DPF3: variants seen among roughly 807,000 people sequenced by gnomAD.
The protein encoded by DPF3 is zinc finger protein DPF3.
DPF3 carries 18 observed loss-of-function variants against 56.8 expected under a neutral mutation model. The ratio of observed to expected loss-of-function variants is 0.32; its 90% CI spans 0.22 to 0.47. The LOEUF is 0.47. DPF3 is among the 20% of genes least tolerant of loss of function. The probability of loss-of-function intolerance (pLI) is 1.00; values close to 1 mark genes in which losing one functional copy is unlikely to be tolerated. For missense variants in DPF3, 403 were observed against 488.8 expected, an observed-to-expected ratio of 0.82 and a Z score of 1.65; for synonymous variants, 188 against 180.2, an observed-to-expected ratio of 1.04 and a Z score of -0.35.
At chr14:72,705,796 C>A (rs1888380288) in intron 6 of DPF3, among the ~76,000 whole-genome samples, 2 of 152,230 alleles carry the variant, frequency 1.3e-5, no homozygotes, top group South Asian at 4.1e-4. Context: ...GGCTCACAGT[C>A]CAGCCTGAGG....
chr14:72,725,535 C>G (rs999501729), intron 4 of DPF3, among the ~76,000 whole-genome samples: 3 of 151,928 alleles, frequency 2.0e-5, no homozygotes. Flanking sequence ...GCCAGTGTGA[C>G]CAGTGCTTAG....
chr14:72,744,369 C>G (rs1242642752), intron 3 of DPF3, among the ~76,000 whole-genome samples: 2 of 152,068 alleles, frequency 1.3e-5, no homozygotes, highest in Non-Finnish European at 2.9e-5. Flanking sequence ...ACCTCGCGGA[C>G]TTCATTGATC....
chr14:72,697,119 C>A (rs1887939168), intron 6 of DPF3, among the ~76,000 whole-genome samples: 1 of 152,206 alleles, frequency 6.6e-6, no homozygotes, highest in Non-Finnish European at 1.5e-5. Flanking sequence ...AGAAGCCAGA[C>A]TTCTTCATGA....
At chr14:72,762,390 A>C (rs1891104376) in intron 2 of DPF3, among the ~76,000 whole-genome samples, 1 of 151,936 alleles carries the variant, frequency 6.6e-6, no homozygotes, top group African/African-American at 2.4e-5. Context: ...ACATTCAGAA[A>C]TCAATCAATG....
intron 1 of DPF3, among the ~76,000 whole-genome samples, chr14:72,868,500 C>G (rs1437455397): frequency 6.6e-6 from 1 of 152,214 alleles, no homozygotes; most frequent in Non-Finnish European, 1.5e-5. Flanking sequence ...GGCCTCACCC[C>G]TAGGGATTTT....
intron 8 of DPF3, among the ~76,000 whole-genome samples, chr14:72,668,680 TAA>T (rs60914269): frequency 6.8e-6 from 1 of 147,060 alleles, no homozygotes; most frequent in African/African-American, 2.5e-5. Flanking sequence ...ATATGTGGAT[TAA>T]AAAAAAAAAC....
At position 72,613,025 on chromosome 14, in the gene DPF3, TG is replaced by T. The variant is rs1359838571; in HGVS notation, c.*6271del. Among the ~76,000 whole-genome samples the T allele has an allele frequency of 6.6e-6, 1 of 151,722 alleles. No homozygotes were observed. Among genetic ancestry groups the T allele is most frequent in the Non-Finnish European group, 1.5e-5 (1 of 67,974 alleles). ...GTGTGTGTGTGTGTGTGTGTGTGTG[TG>T]TGTGTATGTGCGTGCGTGCACGCAC... is the stretch of plus-strand genomic sequence containing the variant. On this transcript the variant is annotated 3_prime_UTR_variant, in exon 11 of 11. Coordinates refer to ENST00000556509, the MANE Select transcript of DPF3 (RefSeq NM_001280542.3).
At chr14:72,737,744 T>G (rs1234726018) in intron 3 of DPF3, among the ~76,000 whole-genome samples, 2 of 152,146 alleles carry the variant, frequency 1.3e-5, no homozygotes, top group Non-Finnish European at 2.9e-5. Flanking sequence ...CAAGGGAAAT[T>G]GTGGTGAAAC....
At chr14:72,696,715 A>G (rs556746711) in intron 6 of DPF3, among the ~76,000 whole-genome samples, 118 of 152,354 alleles carry the variant, frequency 7.7e-4, no homozygotes, top group African/African-American at 2.8e-3. Flanking sequence ...AACATGGTAG[A>G]AAGTAATAAT....
rs149926763 is a variant in DPF3 at position 72,750,980 on chromosome 14, C to T, written c.301+2284G>A. 2.8e-4 allele frequency among the ~76,000 whole-genome samples: 43 copies of T among 152,090 alleles called. No homozygotes were observed. In the East Asian group the frequency reaches 7.9e-3, roughly 28 times the overall value. ...CCGAGGCAGGAGGATTATCTGAAGC[C>T]AGGAGTTTAAGACTAGCCTGGGTAG... On this transcript the variant is annotated intron_variant, in intron 3 of 10. Coordinates refer to ENST00000556509, the MANE Select transcript of DPF3 (RefSeq NM_001280542.3).
chr14:72,827,042 CAAAAA>C (rs59956156), intron 1 of DPF3, among the ~76,000 whole-genome samples: 4 of 137,856 alleles, frequency 2.9e-5, no homozygotes, highest in African/African-American at 5.4e-5. Context: ...AACTCCATCT[CAAAAA>C]AAAAAAAAAA....
chr14:72,729,462 A>C (rs560966566), intron 4 of DPF3, among the ~76,000 whole-genome samples: 8 of 152,202 alleles, frequency 5.3e-5, no homozygotes, highest in South Asian at 2.1e-4. Flanking sequence ...AGGGGTGAGA[A>C]GGCCCTGAAT....
chr14:72,839,034 C>G (rs1209759170), intron 1 of DPF3, among the ~76,000 whole-genome samples: 2 of 148,986 alleles, frequency 1.3e-5, no homozygotes, highest in Non-Finnish European at 1.5e-5. Context: ...AATTTTTGCA[C>G]CTCAGTCCCC....
intron 6 of DPF3, among the ~76,000 whole-genome samples, chr14:72,695,354 T>C (rs1203699592): frequency 6.6e-6 from 1 of 152,180 alleles, no homozygotes; most frequent in Non-Finnish European, 1.5e-5. Context: ...AGGTACTGGA[T>C]CTTCCTGAAA....
chr14:72,725,915 T>C (rs1240598282), intron 4 of DPF3, among the ~76,000 whole-genome samples: 1 of 152,208 alleles, frequency 6.6e-6, no homozygotes, highest in Non-Finnish European at 1.5e-5. Context: ...CCTTTTCTAC[T>C]AGGTTTATTT....
chr14:72,831,622 C>T, intron 1 of DPF3, among the ~76,000 whole-genome samples: 1 of 152,208 alleles, frequency 6.6e-6, no homozygotes, highest in Admixed American at 6.5e-5. Flanking sequence ...TCAGGATCAT[C>T]CAAGTATGCT....
At chr14:72,630,027 G>C (rs377163142) in intron 8 of DPF3, among the ~76,000 whole-genome samples, 6 of 152,156 alleles carry the variant, frequency 3.9e-5, no homozygotes, top group East Asian at 1.9e-4. Flanking sequence ...CAGAGAGAAC[G>C]AGAGAGGAAA....
intron 1 of DPF3, among the ~76,000 whole-genome samples, chr14:72,852,560 C>T (rs1477326527): frequency 2.6e-5 from 4 of 152,218 alleles, no homozygotes; most frequent in Non-Finnish European, 5.9e-5. Flanking sequence ...GAACTTTCTA[C>T]GGCTCACACT....
At chr14:72,663,679 T>C (rs1195240677) in intron 8 of DPF3, among the ~76,000 whole-genome samples, 3 of 152,148 alleles carry the variant, frequency 2.0e-5, no homozygotes, top group African/African-American at 7.2e-5. Flanking sequence ...CGGAAGCAGT[T>C]TCTGAAAGCA....
Sources: allele counts gnomAD v4.1 joint callset (sites outside exome capture counted in the v4.1 genomes callset), GRCh38; gene constraint gnomAD v4.1.1; transcripts MANE v1.5; gene names NCBI Gene and HGNC (gene_info 2026-07-23, HGNC 2026-07-21).